The following ARHGAP45 variants were observed in gnomAD, a reference collection of about 807,000 sequenced individuals.
The protein encoded by ARHGAP45 is Rho GTPase activating protein 45.
ARHGAP45 carries 56 observed loss-of-function variants against 116.1 expected under a neutral mutation model. The ratio of observed to expected loss-of-function variants is 0.48; its 90% CI spans 0.39 to 0.60. The LOEUF (loss-of-function observed/expected upper bound fraction) is 0.60, where lower values mean the gene tolerates loss of function less well. Among genes scored for constraint, ARHGAP45 ranks in the 20% least tolerant of loss-of-function variants. ARHGAP45 has a pLI of 0.00. For synonymous variants in ARHGAP45, 866 were observed against 701.7 expected, an observed-to-expected ratio of 1.23 and a Z score of -3.70; for missense variants, 1,622 against 1,601.0, an observed-to-expected ratio of 1.01 and a Z score of -0.22.
Position 1,073,272 on chromosome 19 carries a change from C to G in ARHGAP45, c.545C>G (p.Thr182Ser). The G allele has an allele frequency of 6.2e-7, 1 of 1,613,536 alleles. No individual in the cohort carries two copies. The highest frequency in any genetic ancestry group is 8.5e-7 in the Non-Finnish European group (1 of 1,179,962). Residue 182 changes from threonine (T) to serine (S), a missense_variant, in exon 3 of 23, where the codon ACC (threonine) becomes AGC (serine). This residue lies in a region of ARHGAP45 where 279 missense variants were observed against 311.9 expected (regional missense o/e 0.89). Transcript: ENST00000313093. ...GTGGAGACGCTCACCGCAGCCGGCA[C>G]CCTCATTGCCAAGGTCAAAGGTCAG... is the stretch of plus-strand genomic sequence containing the variant. ...NTVETLTAAG[T>S]LIAKVKAFHY...
Position 1,081,730 on chromosome 19 carries a change from C to A in ARHGAP45, c.2371C>A (p.Arg791Ser). The part of the protein sequence containing the change: ...CVCEIERRAL[R>S]TKGIYRVNGV... ...CTGCGAGATCGAGCGGCGGGCGCTG[C>A]GCACCAAGGTGAGGCGGGGGAGGAA... The change falls in exon 18 of 23, where the codon CGC (arginine) becomes AGC (serine). Residue 791 changes from arginine to serine, a missense_variant. Physicochemically the swap from Arg to Ser is moderately radical, Grantham distance 110. This residue lies in a region of ARHGAP45 where 1,334 missense variants were observed against 1,263.8 expected (regional missense o/e 1.06). Transcript: ENST00000313093. The A allele has an allele frequency of 1.3e-6, 2 of 1,564,614 alleles. No individual in the cohort carries two copies. Among genetic ancestry groups the A allele is most frequent in the Non-Finnish European group, 8.7e-7 (1 of 1,154,480 alleles).
chr19:1,066,475 C>A, upstream of ARHGAP45: 1 of 418,090 alleles, frequency 2.4e-6, no homozygotes, highest in Non-Finnish European at 4.5e-6. Context: ...AGGTCTGGGG[C>A]AACATGATAT....
intron 10 of ARHGAP45, chr19:1,077,064 T>C (rs2043266634): frequency 3.0e-6 from 3 of 985,206 alleles, no homozygotes; most frequent in Non-Finnish European, 3.6e-6. Flanking sequence ...TTTGTTTGTG[T>C]GCGAATCTGA....
intron 5 of ARHGAP45, 82 bp downstream of exon 5, chr19:1,073,828 C>A: frequency 1.3e-6 from 2 of 1,533,808 alleles, no homozygotes; most frequent in East Asian, 2.4e-5. Context: ...AGACAGTCAC[C>A]CTGCTTCCCC....
chr19:1,079,590 TG>T, intron 11 of ARHGAP45, 112 bp from the exon 12 acceptor site: 1 of 1,348,596 alleles, frequency 7.4e-7, no homozygotes, highest in Non-Finnish European at 1.0e-6. Flanking sequence ...TCTCCCACTG[TG>T]GCCTCCCGAG....
intron 19 of ARHGAP45, among the ~76,000 whole-genome samples, chr19:1,082,179 C>A (rs1205339243): frequency 2.3e-5 from 3 of 131,952 alleles, no homozygotes; most frequent in Non-Finnish European, 4.8e-5. Flanking sequence ...GCCAGTTCTG[C>A]GCCGAGGCAC....
In ARHGAP45 at chr19:1,085,818, G is replaced by A; in HGVS notation, c.3223G>A (p.Glu1075Lys). The A allele has an allele frequency of 1.2e-6, 2 of 1,612,888 alleles. No homozygotes were observed. Among genetic ancestry groups the A allele is most frequent in the Non-Finnish European group, 1.7e-6 (2 of 1,179,902 alleles). Residue 1075 changes from glutamate (E) to lysine (K), a missense_variant, in exon 23 of 23, where the codon GAG becomes AAG. Glu to Lys is a moderately conservative substitution (Grantham distance 56). Coordinates refer to ENST00000313093, the MANE Select transcript of ARHGAP45 (RefSeq NM_012292.5). ...EVASGSHSGS[E>K]EQLEATARED... The stretch of plus-strand genomic sequence containing the variant: ...GGCTTCTGGCAGCCACAGCGGCAGT[G>A]AGGAGCAGCTGGAGGCCACAGCCCG...
At chr19:1,075,267 G>C (rs1392566371) in intron 10 of ARHGAP45, among the ~76,000 whole-genome samples, 3 of 133,558 alleles carry the variant, frequency 2.2e-5, no homozygotes, top group Non-Finnish European at 4.6e-5. Flanking sequence ...ACGGAGTCTC[G>C]CTCTGTCGCC....
At position 1,071,276 on chromosome 19, in the gene ARHGAP45, C is replaced by T; in HGVS notation, c.422-1873C>T. ...CCACGCGCTCGCGGTCTCCGCGCCC[C>T]GACGGCTGCGCCATGTGTATCTGCG... On this transcript the variant is annotated intron_variant, in intron 2 of 22. Transcript: ENST00000313093. The surrounding 1 kb of genome is among the most constrained non-coding windows in gnomAD (Gnocchi z 4.6). 1 of 1,479,514 alleles carries T rather than the reference C, an allele frequency of 6.8e-7. No individual in the cohort carries two copies. The highest frequency in any genetic ancestry group is 8.9e-7 in the Non-Finnish European group (1 of 1,120,034). The allele number at this position is 1,479,514 out of a possible 1,614,324, so 91.6% of individuals were successfully genotyped here.
At position 1,083,017 on chromosome 19, in the gene ARHGAP45, C is replaced by T. The variant is rs1294149743; in HGVS notation, c.2695C>T (p.Pro899Ser). The change falls in exon 20 of 23, where the codon CCG (proline) becomes TCG (serine). Residue 899 changes from proline to serine, a missense_variant. By Grantham distance (74) the Pro-to-Ser change is moderately conservative (BLOSUM62 -1). This residue lies in a region of ARHGAP45 where 1,334 missense variants were observed against 1,263.8 expected (regional missense o/e 1.06). Transcript: ENST00000313093. ...GRLRELLRDL[P>S]PENRASLQYL... The stretch of plus-strand genomic sequence containing the variant: ...GCTGCGGGAGCTCCTGCGGGACCTG[C>T]CGCCTGAGAACCGGGCCTCGCTGCA... 2.6e-6 allele frequency: 4 copies of T among 1,544,920 alleles called. No homozygotes were observed. The highest frequency in any genetic ancestry group is 1.9e-5 in the Admixed American group (1 of 51,894).
intron 5 of ARHGAP45, 70 bp downstream of exon 5, chr19:1,073,816 CCAGA>C (rs1599755641): frequency 7.2e-6 from 11 of 1,535,328 alleles, no homozygotes; most frequent in South Asian, 1.2e-5. Flanking sequence ...TCTGCAGGGC[CCAGA>C]CAGTCACCCT....
chr19:1,078,126 CTTTGTTTTTGTT>C, intron 11 of ARHGAP45, 81 bp downstream of exon 11: 2 of 1,453,504 alleles, frequency 1.4e-6, no homozygotes, highest in Non-Finnish European at 1.8e-6. Context: ...ACCTCCAGAC[CTTTGTTTTTGTT>C]TTTTTGTTTT....
chr19:1,066,369 C>T, upstream of ARHGAP45: 1 of 585,178 alleles, frequency 1.7e-6, no homozygotes, highest in South Asian at 2.0e-5. Flanking sequence ...CTGTTATCAG[C>T]AACGGGTGCC....
chr19:1,080,864 T>A, intron 16 of ARHGAP45, 28 bp from the exon 17 acceptor site: 6 of 1,605,366 alleles, frequency 3.7e-6, no homozygotes, highest in Non-Finnish European at 4.3e-6. Context: ...GCTGCCTTGG[T>A]GACACCGGCT....
At position 1,071,264 on chromosome 19, in the gene ARHGAP45, G is replaced by A; in HGVS notation, c.422-1885G>A. 3 of 1,481,432 alleles carry A rather than the reference G, an allele frequency of 2.0e-6. No homozygotes were observed. Among genetic ancestry groups the A allele is most frequent in the Non-Finnish European group, 2.7e-6 (3 of 1,120,578 alleles). The allele number at this position is 1,481,432 out of a possible 1,614,324, so 91.8% of individuals were successfully genotyped here. On this transcript the variant is annotated intron_variant, in intron 2 of 22. Transcript: ENST00000313093. The surrounding 1 kb of genome is among the most constrained non-coding windows in gnomAD (Gnocchi z 4.6). Reference sequence around the variant, plus strand: ...AGCTGCCAGGCCCCACGCGCTCGCGGTCTCCGCGCCCCGACGGCTGCGCCA... The same window carrying A: ...AGCTGCCAGGCCCCACGCGCTCGCGATCTCCGCGCCCCGACGGCTGCGCCA...
intron 22 of ARHGAP45, 109 bp from the exon 23 acceptor site, chr19:1,085,541 GTCTCTCCATC>G (rs1053263433): frequency 1.5e-6 from 1 of 666,350 alleles, no homozygotes; most frequent in Non-Finnish European, 2.5e-6. Context: ...CATCTCTCCT[GTCTCTCCATC>G]TCTCTCCCCC....
chr19:1,077,724 TC>T (rs952689262), intron 10 of ARHGAP45, 132 bp from the exon 11 acceptor site: 39 of 1,516,692 alleles, frequency 2.6e-5, no homozygotes, highest in Non-Finnish European at 3.4e-5. Context: ...TTGTGCAGGG[TC>T]CTCTGCATGC....
At chr19:1,079,558 C>G (rs567663990) in intron 11 of ARHGAP45, 145 bp from the exon 12 acceptor site, 2 of 957,454 alleles carry the variant, frequency 2.1e-6, no homozygotes, top group African/African-American at 3.3e-5. Context: ...AGGCTGGTCT[C>G]GAACTCCTGG....
chr19:1,086,024 AC>A lies in ARHGAP45; in HGVS notation c.*20del. The A allele has an allele frequency of 6.3e-7, 1 of 1,598,166 alleles. No individual in the cohort carries two copies. Among genetic ancestry groups the A allele is most frequent in the Non-Finnish European group, 8.6e-7 (1 of 1,169,316 alleles). ...TCGTGTGAGCTGGGGTGGGGCTGGG[AC>A]CACAGGTGGCTTCTCTCTTGCCTGC... On this transcript the variant is annotated 3_prime_UTR_variant, in exon 23 of 23. Coordinates refer to ENST00000313093, the MANE Select transcript of ARHGAP45 (RefSeq NM_012292.5).
Sources: gnomAD v4.1 joint callset for allele counts (sites outside exome capture counted in the v4.1 genomes callset) on GRCh38, gnomAD v4.1.1 for gene constraint, gnomAD v4.1.1 regional missense constraint, Gnocchi (gnomAD v3.1) non-coding constraint, MANE v1.5 for transcripts, NCBI Gene and HGNC (gene_info 2026-07-23, HGNC 2026-07-21) for gene names.